The following SH2B2 variants were observed in gnomAD, a reference collection of about 807,000 sequenced individuals.
SH2B2 encodes the protein SH2B adaptor protein 2, also known as SH2B adapter protein 2.
A neutral mutation model predicts 35.7 loss-of-function variants in SH2B2; 37 were observed. That is an observed-to-expected ratio of 1.04 (90% CI 0.80 to 1.36). The LOEUF is 1.36. Among genes scored for constraint, SH2B2 ranks in the 40% most tolerant of loss-of-function variants. The probability of loss-of-function intolerance (pLI) is 0.00; values close to 1 mark genes in which losing one functional copy is unlikely to be tolerated. For synonymous variants in SH2B2, 383 were observed against 376.4 expected (o/e 1.02, Z -0.20); for missense variants, 852 against 817.7 (o/e 1.04, Z -0.51).
chr7:102,320,405 G>C lies in SH2B2; in HGVS notation c.1470G>C (p.Met490Ile), dbSNP rs547573732. ...TGTGGTTCCAGTCTGTGCTTGACAT[G>C]CTCCGCCACTTCCACACACACCCCA... Reference protein sequence around the residue: ...QHLWFQSVLDMLRHFHTHPIP... With the variant: ...QHLWFQSVLDILRHFHTHPIP... Residue 490 changes from methionine to isoleucine, a missense_variant, in exon 8 of 9, where the codon ATG becomes ATC. By Grantham distance (10) the Met-to-Ile change is conservative. Coordinates refer to ENST00000444095, the MANE Select transcript of SH2B2 (RefSeq NM_001359228.2). The C allele has an allele frequency of 6.2e-7, 1 of 1,613,444 alleles. No homozygotes were observed.
rs1793749902 is a variant in SH2B2, at chr7:102,314,649, C to A, written c.1153C>A (p.Pro385Thr). 2 of 398,586 alleles carry A rather than the reference C, an allele frequency of 5.0e-6. No individual in the cohort carries two copies. Among genetic ancestry groups the A allele is most frequent in the Non-Finnish European group, 8.8e-6 (2 of 226,104 alleles). The allele number at this position is 398,586 out of a possible 1,614,324, so 24.7% of individuals were successfully genotyped here. The change falls in exon 6 of 9, where the codon CCG becomes ACG. Residue 385 changes from proline (P) to threonine (T), a missense_variant. Transcript: ENST00000444095. ...LETFLQTLES[P>T]GGSGSDSNNT... Reference sequence around the variant, plus strand: ...GACCTTTCTGCAGACCCTGGAATCCCCGGGCGGCAGCGGCAGTGACAGCAA... The same window carrying A: ...GACCTTTCTGCAGACCCTGGAATCCACGGGCGGCAGCGGCAGTGACAGCAA...
intron 4 of SH2B2, among the ~76,000 whole-genome samples, chr7:102,312,483 G>A (rs1183072949): frequency 6.6e-6 from 1 of 152,184 alleles, no homozygotes; most frequent in African/African-American, 2.4e-5. Context: ...AAAGGGAATA[G>A]ACTGAGCAGG....
In SH2B2 at chr7:102,301,142, G is replaced by C. The variant is rs1224267867; in HGVS notation, c.592G>C (p.Gly198Arg). ...KVELVDIQRE[G>R]ALRFMVADDA... Reference sequence around the variant, plus strand: ...GGAGCTGGTGGACATTCAACGCGAGGGGGCGCTGCGCTTCATGGTGGCCGA... The same window carrying C: ...GGAGCTGGTGGACATTCAACGCGAGCGGGCGCTGCGCTTCATGGTGGCCGA... The change falls in exon 2 of 9, where the codon GGG becomes CGG. Residue 198 changes from glycine (G) to arginine (R), a missense_variant. By Grantham distance (125) the Gly-to-Arg change is moderately radical. Around this residue, in one of 3 missense-constraint regions of SH2B2, gnomAD observed 556 missense variants for 514.5 expected, o/e 1.08. Coordinates refer to ENST00000444095, the MANE Select transcript of SH2B2 (RefSeq NM_001359228.2). The C allele has an allele frequency of 6.5e-7, 1 of 1,532,874 alleles. No individual in the cohort carries two copies. Among genetic ancestry groups the C allele is most frequent in the Non-Finnish European group, 8.7e-7 (1 of 1,144,500 alleles). 95.0% of individuals were successfully genotyped at this position (1,532,874 alleles called of 1,614,324 possible). A position where few individuals can be genotyped will look rare whatever the true frequency, so the allele number is the denominator to read the frequency against.
upstream of SH2B2, among the ~76,000 whole-genome samples, chr7:102,286,580 G>A (rs1344924838): frequency 6.4e-4 from 98 of 152,008 alleles, 1 homozygote; most frequent in Non-Finnish European, 1.2e-3. Context: ...GGCCGGCTCG[G>A]CGACATGGGG....
chr7:102,312,640 T>G (rs1265753072), intron 4 of SH2B2, among the ~76,000 whole-genome samples: 2 of 152,178 alleles, frequency 1.3e-5, no homozygotes, highest in African/African-American at 4.8e-5. Flanking sequence ...TCTTTCTTTC[T>G]TTTTTTCTTT....
Position 102,320,478 on chromosome 7 carries a change from G to A in SH2B2, c.1543G>A (p.Val515Met), listed in dbSNP as rs1304787839. Residue 515 changes from valine to methionine, a missense_variant, in exon 8 of 9, where the codon GTG becomes ATG. By Grantham distance (21) the Val-to-Met change is conservative. Around this residue, in one of 3 missense-constraint regions of SH2B2, gnomAD observed 556 missense variants for 514.5 expected, o/e 1.08. Transcript: ENST00000444095. ...GSADITLRSY[V>M]RAQDPPPEPG... is the part of the protein sequence containing the mutation. ...GGCCGACATCACCCTTCGCAGCTAT[G>A]TGCGGGCCCAGGACCCCCCACCAGG... 6.2e-7 allele frequency: 1 copy of A among 1,613,658 alleles called. No individual in the cohort carries two copies. The highest frequency in any genetic ancestry group is 8.5e-7 in the Non-Finnish European group (1 of 1,179,836).
intron 4 of SH2B2, among the ~76,000 whole-genome samples, chr7:102,311,414 C>A (rs1793613779): frequency 6.6e-6 from 1 of 152,046 alleles, no homozygotes; most frequent in Non-Finnish European, 1.5e-5. Flanking sequence ...GCCAACAAGC[C>A]CAGCTAATTT....
At chr7:102,292,771 C>T (rs1383768008) in intron 1 of SH2B2, among the ~76,000 whole-genome samples, 1 of 152,182 alleles carries the variant, frequency 6.6e-6, no homozygotes, top group Non-Finnish European at 1.5e-5. Flanking sequence ...CTGCCCACCC[C>T]AGGACATAGG....
rs574609362 is a variant in SH2B2 at position 102,317,206 on chromosome 7, G to A, written c.1206G>A (p.Thr402=). ...CCTCAGGGGAACAGGGTGCAGAGAC[G>A]GATCCCGAGGCTGAACCCGAGCTGG... ...SNNTGEQGAE[T]DPEAEPELEL... Residue 402 remains threonine (T), a synonymous_variant, in exon 7 of 9, where the codon ACG becomes ACA. Transcript: ENST00000444095. 35 of 1,605,814 alleles carry A rather than the reference G, an allele frequency of 2.2e-5. No homozygotes were observed. In the East Asian group the frequency reaches 2.9e-4, roughly 13 times the overall value.
Position 102,301,017 on chromosome 7 carries a change from C to T in SH2B2, c.467C>T (p.Ala156Val), listed in dbSNP as rs782485778. The T allele has an allele frequency of 2.9e-5, 41 of 1,402,024 alleles. No individual in the cohort carries two copies. The East Asian group carries it at 5.7e-4, about 19-fold the overall frequency. 86.8% of individuals were successfully genotyped at this position (1,402,024 alleles called of 1,614,324 possible). ...DGVRDMWHRR[A>V]SPEPDAAAAP... is the part of the protein sequence containing the mutation. ...GTGCGCGACATGTGGCACCGGCGCG[C>T]CTCGCCCGAGCCCGACGCGGCAGCT... Residue 156 changes from alanine to valine, a missense_variant, in exon 2 of 9, where the codon GCC (alanine) becomes GTC (valine). Ala to Val is a moderately conservative substitution (Grantham distance 64, BLOSUM62 0). This residue lies in a region of SH2B2 where 294 missense variants were observed against 286.6 expected (regional missense o/e 1.03). Transcript: ENST00000444095.
intron 6 of SH2B2, 49 bp from the exon 7 acceptor site, chr7:102,317,138 C>A: frequency 7.1e-7 from 1 of 1,413,730 alleles, no homozygotes; most frequent in Non-Finnish European, 9.7e-7. Context: ...TTTATTTGTC[C>A]CCCTTTCTCC....
Position 102,300,559 on chromosome 7 carries a change from T to A in SH2B2, c.9T>A (p.Gly3=), listed in dbSNP as rs368606524. The change falls in exon 2 of 9, where the codon GGT becomes GGA. Residue 3 remains glycine, a synonymous_variant. Coordinates refer to ENST00000444095, the MANE Select transcript of SH2B2 (RefSeq NM_001359228.2). ...GCGATGGGACGGAAGCCATGAATGG[T>A]GCCGGCCCTGGCCCCGCCGCAGCCG... MN[G]AGPGPAAAAP... 4 of 1,545,364 alleles carry A rather than the reference T, an allele frequency of 2.6e-6. 1 individual carries two copies. In the South Asian group the frequency reaches 4.8e-5, roughly 18 times the overall value.
chr7:102,318,289 C>A (rs868954574), intron 7 of SH2B2, among the ~76,000 whole-genome samples: 3 of 152,082 alleles, frequency 2.0e-5, no homozygotes, highest in African/African-American at 7.2e-5. Context: ...CAGACACGTA[C>A]CACCACACCT....
chr7:102,285,303 G>A (rs782619529), upstream of SH2B2: 18 of 1,385,354 alleles, frequency 1.3e-5, no homozygotes, highest in South Asian at 2.0e-4. Context: ...CAGGAGGGTG[G>A]AGACCACAAC....
rs182620605 is a variant in SH2B2, at chr7:102,293,985, G to C, written c.-29-6537G>C. The stretch of plus-strand genomic sequence containing the variant: ...GACCATAGGGTCTTGGAGATCAGAG[G>C]GGGAGAGCAGTATAGGGAAGTTTTC... On this transcript the variant is annotated intron_variant, in intron 1 of 8. Transcript: ENST00000444095. Among the ~76,000 whole-genome samples the C allele has an allele frequency of 9.5e-4, 145 of 152,186 alleles. 2 individuals are homozygous for C. The highest frequency in any genetic ancestry group is 3.4e-3 in the Middle Eastern group (1 of 294).
chr7:102,316,892 G>A (rs1361328718), intron 6 of SH2B2, among the ~76,000 whole-genome samples: 5 of 151,866 alleles, frequency 3.3e-5, no homozygotes, highest in South Asian at 4.2e-4. Context: ...GGTGGTGGGC[G>A]CCTGTAATCC....
chr7:102,285,206 T>C, upstream of SH2B2: 1 of 1,551,222 alleles, frequency 6.4e-7, no homozygotes, highest in Non-Finnish European at 8.7e-7. Flanking sequence ...CTCAGGACCC[T>C]CTCTGGCCGC....
At chr7:102,309,578 C>T (rs1213780442) in intron 4 of SH2B2, 2 of 278,738 alleles carry the variant, frequency 7.2e-6, no homozygotes, top group African/African-American at 2.3e-5. Context: ...CCAGGCTGGT[C>T]TCGAACTCCA....
rs782120964 is a variant in SH2B2, at chr7:102,317,327, G to A, written c.1327G>A (p.Val443Met). The A allele has an allele frequency of 1.4e-5, 23 of 1,612,648 alleles. No individual in the cohort carries two copies. Among genetic ancestry groups the A allele is most frequent in the Admixed American group, 1.7e-5 (1 of 59,956 alleles). ...GGGGCCCCGGAACCACGGCCTCTTC[G>A]TGATCCGCCAAAGTGAGACTCGGCC... ...AGGPRNHGLF[V>M]IRQSETRPGE... Residue 443 changes from valine (V) to methionine (M), a missense_variant, in exon 7 of 9, where the codon GTG becomes ATG. By Grantham distance (21) the Val-to-Met change is conservative (BLOSUM62 1). Transcript: ENST00000444095.
Sources: allele counts gnomAD v4.1 joint callset (sites outside exome capture counted in the v4.1 genomes callset), GRCh38; gene constraint gnomAD v4.1.1; regional missense constraint gnomAD v4.1.1; transcripts MANE v1.5; gene names NCBI Gene and HGNC (gene_info 2026-07-23, HGNC 2026-07-21).